The following SPEF2 variants were observed in gnomAD, a reference collection of about 807,000 sequenced individuals.
SPEF2 encodes the protein sperm flagellar and cilia associated 2.
In SPEF2, 187 loss-of-function variants were observed where a neutral mutation model predicts 224.6. That is an observed-to-expected ratio of 0.83 (90% CI 0.74 to 0.94). SPEF2 has a LOEUF of 0.94. SPEF2 is among the 40% of genes least tolerant of loss of function. The pLI, the probability that SPEF2 is intolerant of heterozygous loss-of-function variation, is 0.00. For missense variants in SPEF2, 2,170 were observed against 2,135.6 expected (o/e 1.02, Z -0.32); for synonymous variants, 715 against 707.3 (o/e 1.01, Z -0.17).
chr5:35,641,291 A>T, intron 2 of SPEF2, 140 bp from the exon 3 acceptor site: 1 of 902,468 alleles, frequency 1.1e-6, no homozygotes, highest in Non-Finnish European at 1.6e-6. Context: ...GTTACATTAG[A>T]GTGGTTTTAG....
chr5:35,677,203 A>G (rs974126607), intron 10 of SPEF2, among the ~76,000 whole-genome samples: 5 of 152,196 alleles, frequency 3.3e-5, no homozygotes, highest in Non-Finnish European at 4.4e-5. Context: ...CTTTCTTACT[A>G]TCCCTGGCTA....
rs766007128 is a variant in SPEF2, at chr5:35,712,874, C to G, written c.2902C>G (p.Leu968Val). The change falls in exon 20 of 37, where the codon CTC becomes GTC. Residue 968 changes from leucine to valine, a missense_variant. Transcript: ENST00000356031. The stretch of plus-strand genomic sequence containing the variant: ...AAAAGGGAAGAAAGGTGAGACCGCA[C>G]TCAAAAGAAAAGGTACAGCAGATAA... ...EGKGKKGETA[L>V]KRKGSPKGKS... 1 of 1,613,562 alleles carries G rather than the reference C, an allele frequency of 6.2e-7. No individual in the cohort carries two copies. Among genetic ancestry groups the G allele is most frequent in the Admixed American group, 1.7e-5 (1 of 59,974 alleles).
intron 29 of SPEF2, among the ~76,000 whole-genome samples, chr5:35,777,580 T>A (rs913768472): frequency 6.6e-6 from 1 of 151,102 alleles, no homozygotes; most frequent in Non-Finnish European, 1.5e-5. Context: ...TTTCTCAGAT[T>A]TATATTGTAT....
At chr5:35,680,833 GC>G (rs1752695856) in intron 10 of SPEF2, among the ~76,000 whole-genome samples, 1 of 152,142 alleles carries the variant, frequency 6.6e-6, no homozygotes, top group African/African-American at 2.4e-5. Context: ...TAAATTTCAA[GC>G]CTGTAGACCA....
chr5:35,788,013 A>G (rs1407390189), intron 30 of SPEF2: 1 of 697,360 alleles, frequency 1.4e-6, no homozygotes. Flanking sequence ...GAGCTATTAA[A>G]TCTTATGTTC....
chr5:35,705,257 TACTC>T (rs1232190928), intron 17 of SPEF2, among the ~76,000 whole-genome samples: 2 of 152,054 alleles, frequency 1.3e-5, no homozygotes, highest in Admixed American at 6.5e-5. Context: ...CATCTATACT[TACTC>T]AAAGATCTCT....
At chr5:35,764,640 T>C (rs1274190912) in intron 26 of SPEF2, 3 of 456,082 alleles carry the variant, frequency 6.6e-6, no homozygotes, top group Non-Finnish European at 1.3e-5. Context: ...AGCATCAACT[T>C]TCCAAAAGAT....
At chr5:35,778,700 T>A (rs1301313017) in intron 29 of SPEF2, among the ~76,000 whole-genome samples, 5 of 152,188 alleles carry the variant, frequency 3.3e-5, no homozygotes, top group Admixed American at 6.5e-5. Context: ...TCATCCTAAT[T>A]CCAAATAAAT....
At chr5:35,747,407 A>C (rs548377020) in intron 23 of SPEF2, among the ~76,000 whole-genome samples, 1 of 152,378 alleles carries the variant, frequency 6.6e-6, no homozygotes, top group South Asian at 2.1e-4. Context: ...AGAATGGATA[A>C]GAACTCACCA....
At chr5:35,804,545 A>T (rs1757828823) in intron 34 of SPEF2, among the ~76,000 whole-genome samples, 1 of 151,990 alleles carries the variant, frequency 6.6e-6, no homozygotes, top group Non-Finnish European at 1.5e-5. Flanking sequence ...CTTCAGTTTG[A>T]TCTCAGTCTC....
intron 28 of SPEF2, among the ~76,000 whole-genome samples, chr5:35,774,683 A>G (rs1329737231): frequency 6.6e-6 from 1 of 152,212 alleles, no homozygotes; most frequent in East Asian, 1.9e-4. Context: ...CACGGTCAAT[A>G]TACAAGATGA....
At chr5:35,792,073 T>C (rs991749181) in intron 30 of SPEF2, among the ~76,000 whole-genome samples, 3 of 152,070 alleles carry the variant, frequency 2.0e-5, no homozygotes, top group Non-Finnish European at 4.4e-5. Flanking sequence ...AACTAAAAAG[T>C]ATACAGTTTT....
In SPEF2 at chr5:35,705,685, G is replaced by T; in HGVS notation, c.2542G>T (p.Glu848Ter). The change falls in exon 18 of 37, where the codon GAG becomes TAG. Residue 848 changes from glutamate to a stop codon, truncating the protein, a stop_gained. Transcript: ENST00000356031. LOFTEE classifies it high-confidence loss of function. ...CTTCTTGGACAACTGGCCTTTATTGGAGCAATGGTTTTCAGAGCCAGAAAA... is the reference window on the plus strand; with the variant it reads ...CTTCTTGGACAACTGGCCTTTATTGTAGCAATGGTTTTCAGAGCCAGAAAA... The part of the protein sequence containing the change: ...IGFLDNWPLL[E>*]QWFSEPENIL... The T allele has an allele frequency of 1.3e-5, 20 of 1,592,602 alleles. No individual in the cohort carries two copies. The highest frequency in any genetic ancestry group is 1.7e-5 in the Non-Finnish European group (20 of 1,173,750).
At chr5:35,741,841 A>G (rs1317960112) in intron 23 of SPEF2, among the ~76,000 whole-genome samples, 1 of 152,032 alleles carries the variant, frequency 6.6e-6, no homozygotes, top group Non-Finnish European at 1.5e-5. Context: ...TCTTTTTCCT[A>G]CCTATTCATA....
chr5:35,710,142 T>A, intron 19 of SPEF2: 2 of 985,248 alleles, frequency 2.0e-6, no homozygotes, highest in Non-Finnish European at 2.4e-6. Flanking sequence ...TTTTATCATG[T>A]CAACAATAAA....
chr5:35,806,712 C>T lies in SPEF2; in HGVS notation c.5016C>T (p.Ser1672=). 6.2e-7 allele frequency: 1 copy of T among 1,612,320 alleles called. No individual in the cohort carries two copies. Among genetic ancestry groups the T allele is most frequent in the Non-Finnish European group, 8.5e-7 (1 of 1,179,550 alleles). ...KASIPSAEKT[S]STDAGPAEEF... ...CTCTTCATTTAACTTTGCAGACCTC[C>T]TCAACTGATGCAGGTCCAGCTGAGG... is the stretch of plus-strand genomic sequence containing the variant. Residue 1672 remains serine (S), a synonymous_variant, in exon 35 of 37, where the codon TCC becomes TCT. Coordinates refer to ENST00000356031, the MANE Select transcript of SPEF2 (RefSeq NM_024867.4).
intron 10 of SPEF2, among the ~76,000 whole-genome samples, chr5:35,681,322 C>T (rs910933625): frequency 2.2e-4 from 34 of 152,024 alleles, no homozygotes; most frequent in Admixed American, 9.2e-4. Flanking sequence ...GTGAACTGGC[C>T]TTTAATTATA....
chr5:35,703,250 TA>T (rs33980398), intron 16 of SPEF2, among the ~76,000 whole-genome samples: 3,138 of 152,054 alleles, frequency 0.021, 107 homozygotes, highest in African/African-American at 0.069. Context: ...GCAAAAGTCT[TA>T]AAAAAATGAT....
intron 23 of SPEF2, among the ~76,000 whole-genome samples, chr5:35,751,025 GTA>G (rs1229060564): frequency 5.8e-5 from 4 of 68,764 alleles, no homozygotes; most frequent in African/African-American, 1.7e-4. Flanking sequence ...ATATATATAC[GTA>G]TATATATACA....
Sources: gnomAD v4.1 joint callset for allele counts (sites outside exome capture counted in the v4.1 genomes callset) on GRCh38, gnomAD v4.1.1 for gene constraint, MANE v1.5 for transcripts, NCBI Gene and HGNC (gene_info 2026-07-23, HGNC 2026-07-21) for gene names.